Variants in CUBN observed in about 807,000 individuals in gnomAD.
CUBN encodes the protein cubilin, also known as 460 kDa receptor.
CUBN carries 282 observed loss-of-function variants against 405.3 expected under a neutral mutation model. The observed-to-expected ratio is 0.70, with a 90% CI of 0.63 to 0.77. The LOEUF is 0.77. CUBN is among the 30% of genes least tolerant of loss of function. CUBN has a pLI of 0.00. For missense variants in CUBN, 4,514 were observed against 4,475.2 expected, an observed-to-expected ratio of 1.01 and a Z score of -0.25; for synonymous variants, 1,684 against 1,617.0, an observed-to-expected ratio of 1.04 and a Z score of -0.99.
intron 2 of CUBN, 82 bp downstream of exon 2, chr10:17,129,039 G>A (rs768509621): frequency 1.9e-6 from 2 of 1,066,908 alleles, no homozygotes; most frequent in Non-Finnish European, 2.8e-6. Flanking sequence ...AAGATTCAAG[G>A]TACAGATTAA....
Position 16,975,389 on chromosome 10 carries a change from GA to G in CUBN, c.4695+7094del, listed in dbSNP as rs1449070062. On this transcript the variant is annotated intron_variant, in intron 31 of 66. Coordinates refer to ENST00000377833, the MANE Select transcript of CUBN (RefSeq NM_001081.4). The stretch of plus-strand genomic sequence containing the variant: ...TGTGTGTTTATGTCCCATGTAGGTG[GA>G]AAACCCTCCTCATGACCACAAGAGG... Among the ~76,000 whole-genome samples, 4 of 152,298 alleles carry G rather than the reference GA, an allele frequency of 2.6e-5. No homozygotes were observed. The East Asian group carries it at 7.7e-4, about 29-fold the overall frequency.
chr10:16,834,423 G>A (rs1839107462), intron 64 of CUBN, among the ~76,000 whole-genome samples: 1 of 152,096 alleles, frequency 6.6e-6, no homozygotes, highest in Non-Finnish European at 1.5e-5. Context: ...TGTGGACGAT[G>A]GGCAAACAGT....
chr10:16,922,654 T>C (rs1309878481), intron 43 of CUBN, among the ~76,000 whole-genome samples: 3 of 152,186 alleles, frequency 2.0e-5, no homozygotes, highest in African/African-American at 7.2e-5. Context: ...TCTCTAGCAG[T>C]AGTGAATTCT....
intron 25 of CUBN, 149 bp downstream of exon 25, chr10:17,044,858 T>A (rs1835089418): frequency 1.2e-6 from 1 of 815,910 alleles, no homozygotes; most frequent in Non-Finnish European, 2.0e-6. Flanking sequence ...TTTCACCAAA[T>A]TTCTTTTATG....
chr10:17,113,258 C>G (rs578109267), intron 8 of CUBN, among the ~76,000 whole-genome samples: 2 of 152,236 alleles, frequency 1.3e-5, no homozygotes, highest in African/African-American at 4.8e-5. Flanking sequence ...GGGAGAGACT[C>G]TGTCTCAAAA....
chr10:16,851,219 A>G lies in CUBN; in HGVS notation c.9663+16T>C, dbSNP rs747254762. 1.6e-5 allele frequency: 26 copies of G among 1,600,294 alleles called. No individual in the cohort carries two copies. The highest frequency in any genetic ancestry group is 2.1e-5 in the Non-Finnish European group (25 of 1,168,308). On this transcript the variant is annotated intron_variant, in intron 60 of 66. Transcript: ENST00000377833. The stretch of plus-strand genomic sequence containing the variant: ...TGGGATGAATAGACTCTGTTAAAAA[A>G]ATAAAACAGCCTTACCTTTACATAA...
intron 58 of CUBN, among the ~76,000 whole-genome samples, chr10:16,870,442 A>G (rs552623295): frequency 6.6e-6 from 1 of 152,362 alleles, no homozygotes; most frequent in African/African-American, 2.4e-5. Context: ...ACACTTCTGC[A>G]CATGGTCCCA....
At chr10:17,002,831 G>T (rs975419519) in intron 28 of CUBN, among the ~76,000 whole-genome samples, 2 of 152,192 alleles carry the variant, frequency 1.3e-5, no homozygotes, top group Non-Finnish European at 2.9e-5. Context: ...AGATTTCTTA[G>T]AAATGAGCAT....
At chr10:16,986,749 C>A (rs753489889) in intron 29 of CUBN, among the ~76,000 whole-genome samples, 6 of 152,134 alleles carry the variant, frequency 3.9e-5, no homozygotes, top group Non-Finnish European at 8.8e-5. Flanking sequence ...GATCTCCCTA[C>A]CCCCTCGCCT....
chr10:16,866,466 A>G (rs1840187115), intron 59 of CUBN, among the ~76,000 whole-genome samples: 1 of 152,212 alleles, frequency 6.6e-6, no homozygotes. Flanking sequence ...AAACTAGCAG[A>G]AGTTAACAGG....
rs138249779 is a variant in CUBN at position 17,051,355 on chromosome 10, G to A, written c.3140-3752C>T. Among the ~76,000 whole-genome samples, 367 of 151,784 alleles carry A rather than the reference G, an allele frequency of 2.4e-3. 1 individual carries two copies. Among genetic ancestry groups the A allele is most frequent in the Non-Finnish European group, 3.9e-3 (265 of 67,938 alleles). On this transcript the variant is annotated intron_variant, in intron 22 of 66. Coordinates refer to ENST00000377833, the MANE Select transcript of CUBN (RefSeq NM_001081.4). ...CAGCCTGGCGACAGAGTGAGAGTCCGTCTTAAAAAAACAAAACAAAAAATG... is the reference window on the plus strand; with the variant it reads ...CAGCCTGGCGACAGAGTGAGAGTCCATCTTAAAAAAACAAAACAAAAAATG...
chr10:16,972,629 G>C (rs879864737), intron 31 of CUBN, among the ~76,000 whole-genome samples: 1 of 151,736 alleles, frequency 6.6e-6, no homozygotes, highest in Admixed American at 6.6e-5. Flanking sequence ...TGCAGAGATG[G>C]GGTCCAGGCT....
Position 17,110,899 on chromosome 10 carries a change from A to G in CUBN, c.1015+20T>C. The G allele has an allele frequency of 6.2e-7, 1 of 1,614,182 alleles. No homozygotes were observed. The highest frequency in any genetic ancestry group is 8.5e-7 in the Non-Finnish European group (1 of 1,180,012). The stretch of plus-strand genomic sequence containing the variant: ...TCCCTGTGCTGGGGTCAGGAGGTTG[A>G]CATTGAACCGAGGCAGCACCTGGTG... On this transcript the variant is annotated intron_variant, in intron 9 of 66. Coordinates refer to ENST00000377833, the MANE Select transcript of CUBN (RefSeq NM_001081.4).
At chr10:16,830,808 T>G (rs994032992) in intron 65 of CUBN, among the ~76,000 whole-genome samples, 1 of 152,122 alleles carries the variant, frequency 6.6e-6, no homozygotes, top group Non-Finnish European at 1.5e-5. Context: ...AAATTTAAAG[T>G]AATCTGGCCG....
intron 36 of CUBN, among the ~76,000 whole-genome samples, chr10:16,946,743 G>A (rs971431653): frequency 4.6e-5 from 7 of 152,012 alleles, no homozygotes; most frequent in Non-Finnish European, 1.0e-4. Context: ...TGATCCACCC[G>A]CCTTGGCCTC....
At chr10:16,892,938 C>T (rs1841076304) in intron 54 of CUBN, among the ~76,000 whole-genome samples, 1 of 152,172 alleles carries the variant, frequency 6.6e-6, no homozygotes, top group South Asian at 2.1e-4. Context: ...ATAGATTCGA[C>T]AACTCTACCT....
chr10:16,967,728 GGAGA>G (rs917922431), intron 31 of CUBN, among the ~76,000 whole-genome samples: 9 of 150,834 alleles, frequency 6.0e-5, no homozygotes, highest in African/African-American at 1.7e-4. Flanking sequence ...AAAGGGAGAG[GGAGA>G]GAGAGGAACA....
At chr10:17,117,406 A>G (rs1836929774) in intron 6 of CUBN, among the ~76,000 whole-genome samples, 1 of 151,912 alleles carries the variant, frequency 6.6e-6, no homozygotes, top group African/African-American at 2.4e-5. Flanking sequence ...ATGGAGTCTC[A>G]CTCTGTCACC....
At chr10:17,114,602 C>T (rs1295715557) in intron 7 of CUBN, among the ~76,000 whole-genome samples, 1 of 152,192 alleles carries the variant, frequency 6.6e-6, no homozygotes, top group Non-Finnish European at 1.5e-5. Flanking sequence ...CTTCCATCCC[C>T]ATCATTGGAC....
Sources: gnomAD v4.1 joint callset for allele counts (sites outside exome capture counted in the v4.1 genomes callset) on GRCh38, gnomAD v4.1.1 for gene constraint, MANE v1.5 for transcripts, NCBI Gene and HGNC (gene_info 2026-07-23, HGNC 2026-07-21) for gene names.